The following TANGO6 variants were observed in gnomAD, a reference collection of about 807,000 sequenced individuals.
The protein encoded by TANGO6 is transport and Golgi organization protein 6 homolog.
A neutral mutation model predicts 114.2 loss-of-function variants in TANGO6; 90 were observed. The observed-to-expected ratio is 0.79, with a 90% CI of 0.66 to 0.94. The LOEUF is 0.94. TANGO6 is among the 40% of genes least tolerant of loss of function. TANGO6 has a pLI of 0.00. For synonymous variants in TANGO6, 477 were observed against 509.8 expected, an observed-to-expected ratio of 0.94 and a Z score of 0.87; for missense variants, 1,274 against 1,315.3, an observed-to-expected ratio of 0.97 and a Z score of 0.49.
chr16:68,924,182 T>A (rs1258297549), intron 12 of TANGO6, among the ~76,000 whole-genome samples: 1 of 144,064 alleles, frequency 6.9e-6, no homozygotes, highest in African/African-American at 2.8e-5. Context: ...GCTGACTAGT[T>A]CTCTCTAATT....
chr16:68,936,396 G>A (rs1963299486), intron 14 of TANGO6, among the ~76,000 whole-genome samples: 2 of 151,896 alleles, frequency 1.3e-5, no homozygotes, highest in Admixed American at 6.6e-5. Flanking sequence ...GGAGTGCAAT[G>A]GGCTTGGCTC....
At position 68,860,133 on chromosome 16, in the gene TANGO6, A is replaced by C; in HGVS notation, c.344A>C (p.Asn115Thr). The C allele has an allele frequency of 6.2e-7, 1 of 1,613,952 alleles. No individual in the cohort carries two copies. Among genetic ancestry groups the C allele is most frequent in the Non-Finnish European group, 8.5e-7 (1 of 1,179,886 alleles). Residue 115 changes from asparagine to threonine, a missense_variant, in exon 2 of 18, where the codon AAT (asparagine) becomes ACT (threonine). By Grantham distance (65) the Asn-to-Thr change is moderately conservative. Transcript: ENST00000261778. Reference protein sequence around the residue: ...LKETMIRLAANFNPGKPNPRT... With the variant: ...LKETMIRLAATFNPGKPNPRT... ...GAAACCATGATCCGCCTTGCAGCTA[A>C]TTTCAATCCAGGTAAACCCAACCCT... is the stretch of plus-strand genomic sequence containing the variant.
chr16:69,025,881 G>T, intron 16 of TANGO6: 1 of 238,262 alleles, frequency 4.2e-6, no homozygotes. Context: ...TGGAACCAAA[G>T]CCTCCTGAAC....
At chr16:68,852,798 C>T (rs1049205742) in intron 1 of TANGO6, among the ~76,000 whole-genome samples, 4 of 152,062 alleles carry the variant, frequency 2.6e-5, no homozygotes, top group African/African-American at 9.7e-5. Flanking sequence ...CATCACTGCA[C>T]CCCAGCCTGG....
At chr16:68,929,570 G>C (rs1340454595) in intron 13 of TANGO6, among the ~76,000 whole-genome samples, 1 of 152,168 alleles carries the variant, frequency 6.6e-6, no homozygotes, top group Non-Finnish European at 1.5e-5. Context: ...TATATATGGA[G>C]CAGACACTTC....
At position 69,040,421 on chromosome 16, in the gene TANGO6, G is replaced by A; in HGVS notation, c.3108G>A (p.Glu1036=). The stretch of plus-strand genomic sequence containing the variant: ...GGGGACTCAGCCAGAAAGCTACTGA[G>A]GTCAGTCCGTCTCTCGCCCTTTGCA... The part of the protein sequence containing the change: ...LLRGLSQKAT[E]VLSAVLKDLY... Residue 1036 remains glutamate (E), a splice_region_variant and synonymous_variant, in exon 17 of 18, where the codon GAG becomes GAA. Transcript: ENST00000261778. The A allele has an allele frequency of 6.3e-7, 1 of 1,596,324 alleles. No homozygotes were observed. Among genetic ancestry groups the A allele is most frequent in the Non-Finnish European group, 8.5e-7 (1 of 1,171,244 alleles).
chr16:68,909,325 C>A lies in TANGO6; in HGVS notation c.1915C>A (p.Arg639=). ...HQTLLVEGQE[R]KLLVLQLMAV... ...GACTCTTCTTGTGGAAGGCCAAGAG[C>A]GGAAGCTGCTTGTCCTGCAGCTGAT... is the stretch of plus-strand genomic sequence containing the variant. Residue 639 remains arginine (R), a synonymous_variant, in exon 11 of 18, where the codon CGG becomes AGG. Coordinates refer to ENST00000261778, the MANE Select transcript of TANGO6 (RefSeq NM_024562.2). The A allele has an allele frequency of 6.2e-7, 1 of 1,608,856 alleles. No homozygotes were observed. Among genetic ancestry groups the A allele is most frequent in the South Asian group, 1.1e-5 (1 of 89,950 alleles).
intron 14 of TANGO6, among the ~76,000 whole-genome samples, chr16:68,957,482 C>G (rs566920063): frequency 6.6e-6 from 1 of 151,426 alleles, no homozygotes; most frequent in East Asian, 2.0e-4. Flanking sequence ...ACCGCAGCCT[C>G]CACCTCCCTG....
intron 11 of TANGO6, among the ~76,000 whole-genome samples, chr16:68,916,359 G>A (rs974296414): frequency 2.6e-5 from 4 of 152,086 alleles, no homozygotes; most frequent in African/African-American, 9.7e-5. Flanking sequence ...CCGTGCATGC[G>A]AGGGATCTAG....
At chr16:69,042,778 T>C (rs1235847445) in intron 17 of TANGO6, among the ~76,000 whole-genome samples, 2 of 152,190 alleles carry the variant, frequency 1.3e-5, no homozygotes, top group Non-Finnish European at 2.9e-5. Context: ...ATCAGTGTTT[T>C]TCATCCATTG....
intron 14 of TANGO6, among the ~76,000 whole-genome samples, chr16:68,946,485 C>T (rs764013200): frequency 3.9e-5 from 6 of 152,098 alleles, no homozygotes; most frequent in South Asian, 2.1e-4. Flanking sequence ...TGAGCCACCG[C>T]GCCCGGCCTT....
intron 1 of TANGO6, among the ~76,000 whole-genome samples, chr16:68,856,393 A>C (rs893045923): frequency 6.6e-6 from 1 of 152,234 alleles, no homozygotes; most frequent in Non-Finnish European, 1.5e-5. Flanking sequence ...AATCACACTG[A>C]TTGAGTGTCA....
chr16:68,987,165 T>TC (rs1242312337), intron 15 of TANGO6, among the ~76,000 whole-genome samples: 28 of 75,056 alleles, frequency 3.7e-4, no homozygotes, highest in African/African-American at 2.4e-3. Context: ...TCTATTTTTT[T>TC]TCTATGATAT....
intron 9 of TANGO6, among the ~76,000 whole-genome samples, chr16:68,903,737 C>T (rs1962814693): frequency 6.6e-6 from 1 of 151,406 alleles, no homozygotes; most frequent in African/African-American, 2.4e-5. Context: ...GCCTGGCCAA[C>T]ATGGTGAAAC....
chr16:69,016,447 T>A (rs763962612), intron 15 of TANGO6, among the ~76,000 whole-genome samples: 19 of 152,152 alleles, frequency 1.2e-4, no homozygotes, highest in Non-Finnish European at 2.8e-4. Context: ...TACCTCTTAG[T>A]GTCCTTCCTG....
rs945163616 is a variant in TANGO6, at chr16:69,072,727, G to A, written c.3109-10758G>A. Reference sequence around the variant, plus strand: ...ACTCAGTTACTAAAAACAGAGATCCGGTAACTGATAACAGGGAGCTCAGCA... The same window carrying A: ...ACTCAGTTACTAAAAACAGAGATCCAGTAACTGATAACAGGGAGCTCAGCA... On this transcript the variant is annotated intron_variant, in intron 17 of 17. Transcript: ENST00000261778. Among the ~76,000 whole-genome samples, 3 of 152,224 alleles carry A rather than the reference G, an allele frequency of 2.0e-5. No homozygotes were observed. In the East Asian group the frequency reaches 5.8e-4, roughly 29 times the overall value.
chr16:69,074,491 C>T (rs184173782), intron 17 of TANGO6, among the ~76,000 whole-genome samples: 11 of 152,070 alleles, frequency 7.2e-5, no homozygotes, highest in African/African-American at 2.7e-4. Context: ...ATACAATACT[C>T]GTATATATGG....
chr16:69,011,455 CTT>C (rs79675600), intron 15 of TANGO6, among the ~76,000 whole-genome samples: 51 of 136,570 alleles, frequency 3.7e-4, no homozygotes, highest in Non-Finnish European at 3.0e-4. Flanking sequence ...TTAGTGTGTT[CTT>C]TTTTTTTTTT....
At chr16:69,054,237 A>G (rs752843377) in intron 17 of TANGO6, among the ~76,000 whole-genome samples, 1 of 152,100 alleles carries the variant, frequency 6.6e-6, no homozygotes, top group Non-Finnish European at 1.5e-5. Flanking sequence ...TCTAATGTCT[A>G]CCTATCCAGA....
Sources: gnomAD v4.1 joint callset for allele counts (sites outside exome capture counted in the v4.1 genomes callset) on GRCh38, gnomAD v4.1.1 for gene constraint, MANE v1.5 for transcripts, NCBI Gene and HGNC (gene_info 2026-07-23, HGNC 2026-07-21) for gene names.